Variants in KCNH8 observed in about 807,000 individuals in gnomAD.
KCNH8 encodes the protein potassium voltage-gated channel subfamily H member 8.
In KCNH8, 70 loss-of-function variants were observed where a neutral mutation model predicts 103.6. The ratio of observed to expected loss-of-function variants is 0.68; its 90% confidence interval spans 0.56 to 0.82. The LOEUF (loss-of-function observed/expected upper bound fraction) is 0.82, where lower values mean the gene tolerates loss of function less well. KCNH8 is among the 40% of genes least tolerant of loss of function. KCNH8 has a pLI of 0.00. For missense variants in KCNH8, 1,217 were observed against 1,329.9 expected (o/e 0.92, Z 1.32); for synonymous variants, 498 against 489.4 (o/e 1.02, Z -0.23).
At chr3:19,301,497 C>A (rs186194097) in intron 3 of KCNH8, among the ~76,000 whole-genome samples, 1 of 151,650 alleles carries the variant, frequency 6.6e-6, no homozygotes, top group Non-Finnish European at 1.5e-5. Context: ...TTAAGAAAAA[C>A]CATCTTTCAC....
At chr3:19,452,860 A>G (rs1375132426) in intron 10 of KCNH8, among the ~76,000 whole-genome samples, 1 of 152,190 alleles carries the variant, frequency 6.6e-6, no homozygotes, top group Non-Finnish European at 1.5e-5. Flanking sequence ...TTCCATGTCT[A>G]AACAATATCT....
intron 11 of KCNH8, among the ~76,000 whole-genome samples, chr3:19,458,529 A>G (rs182183467): frequency 2.6e-5 from 4 of 152,068 alleles, no homozygotes. Context: ...TCAAATATGT[A>G]TACATTTTGG....
At chr3:19,298,477 G>A (rs2125287338) in intron 3 of KCNH8, among the ~76,000 whole-genome samples, 1 of 152,286 alleles carries the variant, frequency 6.6e-6, no homozygotes. Flanking sequence ...GGTTACAGTT[G>A]AGTTATCAAA....
chr3:19,449,253 T>C (rs996343957), intron 8 of KCNH8, among the ~76,000 whole-genome samples: 1 of 150,696 alleles, frequency 6.6e-6, no homozygotes, highest in African/African-American at 2.4e-5. Context: ...GGAGGTTAAA[T>C]ACTATCTGGT....
intron 11 of KCNH8, among the ~76,000 whole-genome samples, chr3:19,493,377 T>G (rs1169792178): frequency 6.6e-6 from 1 of 152,120 alleles, no homozygotes; most frequent in African/African-American, 2.4e-5. Flanking sequence ...AGTGATTGGA[T>G]TATGGGGCAG....
At position 19,193,299 on chromosome 3, in the gene KCNH8, A is replaced by G. The variant is rs553397039; in HGVS notation, c.76+44504A>G. ...GAATTGACTATGAATGTAAATTAGCAAAGTTTCTGCATAGATAAAAATAAG... is the reference window on the plus strand; with the variant it reads ...GAATTGACTATGAATGTAAATTAGCGAAGTTTCTGCATAGATAAAAATAAG... On this transcript the variant is annotated intron_variant, in intron 1 of 15. Coordinates refer to ENST00000328405, the MANE Select transcript of KCNH8 (RefSeq NM_144633.3). Among the ~76,000 whole-genome samples the G allele has an allele frequency of 2.9e-3, 437 of 151,814 alleles. 2 individuals are homozygous for G. The highest frequency in any genetic ancestry group is 9.9e-3 in the African/African-American group (410 of 41,516).
intron 3 of KCNH8, among the ~76,000 whole-genome samples, chr3:19,311,089 C>G (rs947557101): frequency 6.6e-6 from 1 of 151,732 alleles, no homozygotes; most frequent in Non-Finnish European, 1.5e-5. Flanking sequence ...CCATTTAGTG[C>G]AGGTCCACAG....
intron 4 of KCNH8, 32 bp downstream of exon 4, chr3:19,342,746 A>C (rs1439778978): frequency 1.3e-6 from 2 of 1,566,890 alleles, no homozygotes; most frequent in East Asian, 4.7e-5. Flanking sequence ...GATGAATGCT[A>C]GTGTTTCCCC....
intron 11 of KCNH8, among the ~76,000 whole-genome samples, chr3:19,508,329 G>T (rs1282905863): frequency 5.3e-5 from 8 of 152,114 alleles, no homozygotes; most frequent in African/African-American, 1.9e-4. Flanking sequence ...CAAAAAGTAG[G>T]AGGAAGAAAA....
At chr3:19,471,840 A>C (rs951400390) in intron 11 of KCNH8, among the ~76,000 whole-genome samples, 1 of 152,230 alleles carries the variant, frequency 6.6e-6, no homozygotes, top group African/African-American at 2.4e-5. Flanking sequence ...GTGATTACTG[A>C]ATGCCAGCTA....
intron 11 of KCNH8, among the ~76,000 whole-genome samples, chr3:19,463,449 T>C (rs980748893): frequency 6.6e-6 from 1 of 151,672 alleles, no homozygotes; most frequent in Admixed American, 6.6e-5. Context: ...GTTAGAAAAA[T>C]GGGCAAAATA....
chr3:19,235,541 T>C (rs2064053950), intron 1 of KCNH8, among the ~76,000 whole-genome samples: 1 of 152,202 alleles, frequency 6.6e-6, no homozygotes. Flanking sequence ...ATATGGTTAA[T>C]ATTTTTTAAT....
At chr3:19,408,713 A>G (rs1033265901) in intron 7 of KCNH8, among the ~76,000 whole-genome samples, 1 of 152,166 alleles carries the variant, frequency 6.6e-6, no homozygotes, top group African/African-American at 2.4e-5. Flanking sequence ...AAGGAACCTC[A>G]AAATACAGTT....
chr3:19,469,226 C>T (rs2067804611), intron 11 of KCNH8, among the ~76,000 whole-genome samples: 1 of 152,158 alleles, frequency 6.6e-6, no homozygotes, highest in Non-Finnish European at 1.5e-5. Flanking sequence ...GTCAGCTTTC[C>T]TTGTTATCTC....
intron 1 of KCNH8, among the ~76,000 whole-genome samples, chr3:19,155,039 T>G (rs1179811930): frequency 1.3e-5 from 2 of 152,240 alleles, no homozygotes; most frequent in African/African-American, 4.8e-5. Context: ...CAAATATAGT[T>G]ATTGGATTAT....
intron 1 of KCNH8, among the ~76,000 whole-genome samples, chr3:19,204,131 G>A (rs1161240375): frequency 6.6e-6 from 1 of 151,912 alleles, no homozygotes; most frequent in Non-Finnish European, 1.5e-5. Context: ...ATCTGATTTG[G>A]ATGATAAATC....
At position 19,328,115 on chromosome 3, in the gene KCNH8, G is replaced by T. The variant is rs2065456722; in HGVS notation, c.443-14472G>T. ...ACCACTGTTTATAACAAACATATTT[G>T]TCGTAAACTTACTGATAATGTTCAA... is the stretch of plus-strand genomic sequence containing the variant. On this transcript the variant is annotated intron_variant, in intron 3 of 15. Coordinates refer to ENST00000328405, the MANE Select transcript of KCNH8 (RefSeq NM_144633.3). 2.0e-5 allele frequency among the ~76,000 whole-genome samples: 3 copies of T among 151,928 alleles called. No homozygotes were observed. In the South Asian group the frequency reaches 6.2e-4, roughly 32 times the overall value.
At chr3:19,212,785 T>C (rs1390574134) in intron 1 of KCNH8, among the ~76,000 whole-genome samples, 1 of 152,192 alleles carries the variant, frequency 6.6e-6, no homozygotes, top group Non-Finnish European at 1.5e-5. Flanking sequence ...ATTTTGAGCA[T>C]ATCAGCAATT....
intron 5 of KCNH8, among the ~76,000 whole-genome samples, chr3:19,378,344 G>T (rs1386997224): frequency 6.6e-6 from 1 of 152,138 alleles, no homozygotes; most frequent in Non-Finnish European, 1.5e-5. Context: ...AATTTTGATG[G>T]TCAGTTATTT....
Sources: allele counts gnomAD v4.1 joint callset (sites outside exome capture counted in the v4.1 genomes callset), GRCh38; gene constraint gnomAD v4.1.1; transcripts MANE v1.5; gene names NCBI Gene and HGNC (gene_info 2026-07-23, HGNC 2026-07-21).